The following NDFIP1 variants were observed in gnomAD, a reference collection of about 807,000 sequenced individuals.
NDFIP1 encodes the protein Nedd4 family interacting protein 1, also known as NEDD4 family-interacting protein 1.
NDFIP1 carries 7 observed loss-of-function variants against 28.8 expected under a neutral mutation model. That is an observed-to-expected ratio of 0.24 (90% CI 0.14 to 0.46). The LOEUF (loss-of-function observed/expected upper bound fraction) is 0.46. Ranked by LOEUF, NDFIP1 falls within the 20% of genes least tolerant of loss-of-function variation. The pLI is 0.99. For synonymous variants in NDFIP1, 92 were observed against 101.0 expected (o/e 0.91, Z 0.53); for missense variants, 194 against 269.1 (o/e 0.72, Z 1.95).
At chr5:142,111,886 G>C (rs977229457) in intron 1 of NDFIP1, among the ~76,000 whole-genome samples, 2 of 151,280 alleles carry the variant, frequency 1.3e-5, no homozygotes, top group Admixed American at 6.6e-5. Context: ...GGCCAACATG[G>C]CAAAACCTTG....
chr5:142,144,704 C>T (rs1044808470), intron 7 of NDFIP1, 28 bp downstream of exon 7: 12 of 1,351,876 alleles, frequency 8.9e-6, no homozygotes, highest in African/African-American at 1.5e-5. Context: ...TATTCTAGTC[C>T]CAGTGTAACC....
Position 142,131,842 on chromosome 5 carries a change from A to G in NDFIP1, c.98A>G (p.Gln33Arg). 1.3e-6 allele frequency: 2 copies of G among 1,597,984 alleles called. No individual in the cohort carries two copies. The highest frequency in any genetic ancestry group is 1.7e-4 in the Middle Eastern group (1 of 5,984). ...QNEEESGEPE[Q>R]AAGDAPPPYS... ...GAAGAAGAGTCTGGAGAACCTGAAC[A>G]GGCTGCAGGTGATGCTCCTCCACCT... The change falls in exon 2 of 8, where the codon CAG (glutamine) becomes CGG (arginine). Residue 33 changes from glutamine to arginine, a missense_variant. Transcript: ENST00000253814.
At chr5:142,126,436 A>G (rs1270381904) in intron 1 of NDFIP1, among the ~76,000 whole-genome samples, 2 of 152,230 alleles carry the variant, frequency 1.3e-5, no homozygotes, top group Non-Finnish European at 2.9e-5. Flanking sequence ...TGCTGTTTAA[A>G]TATGACCAAA....
chr5:142,139,249 C>G (rs1757304567), intron 5 of NDFIP1, among the ~76,000 whole-genome samples: 1 of 151,528 alleles, frequency 6.6e-6, no homozygotes, highest in East Asian at 1.9e-4. Flanking sequence ...AATGAATTAA[C>G]TTGTATCAGG....
rs372933565 is a variant in NDFIP1, at chr5:142,135,730, G to A, written c.283G>A (p.Asp95Asn). 45 of 1,612,376 alleles carry A rather than the reference G, an allele frequency of 2.8e-5. No homozygotes were observed. Among genetic ancestry groups the A allele is most frequent in the South Asian group, 2.4e-4 (22 of 90,964 alleles). The change falls in exon 4 of 8, where the codon GAT becomes AAT. Residue 95 changes from aspartate (D) to asparagine (N), a missense_variant and splice_region_variant. By Grantham distance (23) the Asp-to-Asn change is conservative. Transcript: ENST00000253814. Reference protein sequence around the residue: ...EATIPLVPGRDEDFVGRDDFD... With the variant: ...EATIPLVPGRNEDFVGRDDFD... ...AATAATTCTTTTTCTTTTCATTTAG[G>A]ATGAGGATTTTGTGGGTCGGGATGA...
intron 1 of NDFIP1, among the ~76,000 whole-genome samples, chr5:142,115,984 G>A (rs1757063292): frequency 6.6e-6 from 1 of 152,166 alleles, no homozygotes; most frequent in Non-Finnish European, 1.5e-5. Context: ...AAGTACATGA[G>A]GTAGGTTATG....
Position 142,108,816 on chromosome 5 carries a change from T to C in NDFIP1, c.-159T>C. 3 of 538,714 alleles carry C rather than the reference T, an allele frequency of 5.6e-6. No individual in the cohort carries two copies. Among genetic ancestry groups the C allele is most frequent in the Admixed American group, 8.9e-5 (2 of 22,360 alleles). 33.4% of individuals were successfully genotyped at this position (538,714 alleles called of 1,614,324 possible). On this transcript the variant is annotated 5_prime_UTR_variant, in exon 1 of 8. Coordinates refer to ENST00000253814, the MANE Select transcript of NDFIP1 (RefSeq NM_030571.4). ...GGAGCCTCGGCGGCGGCGGCGGTGC[T>C]TACAGCCTGAGAAGAGCGTCTCGCC...
intron 1 of NDFIP1, among the ~76,000 whole-genome samples, chr5:142,123,578 G>A (rs953335626): frequency 3.3e-5 from 5 of 152,130 alleles, no homozygotes; most frequent in Non-Finnish European, 1.5e-5. Context: ...CTATTTTAGA[G>A]CTTTAACATA....
chr5:142,148,994 T>C (rs1757419390), intron 7 of NDFIP1, among the ~76,000 whole-genome samples: 1 of 152,020 alleles, frequency 6.6e-6, no homozygotes, highest in South Asian at 2.1e-4. Flanking sequence ...CTAACACTAT[T>C]TGTGTGGTAC....
At chr5:142,130,402 A>C (rs947808079) in intron 1 of NDFIP1, among the ~76,000 whole-genome samples, 5 of 152,310 alleles carry the variant, frequency 3.3e-5, no homozygotes, top group African/African-American at 9.6e-5. Flanking sequence ...AATTAGGGAG[A>C]ATTTTATGTT....
intron 1 of NDFIP1, among the ~76,000 whole-genome samples, chr5:142,127,614 T>C (rs1757183749): frequency 6.6e-6 from 1 of 152,196 alleles, no homozygotes; most frequent in Non-Finnish European, 1.5e-5. Flanking sequence ...CTACTTTGTA[T>C]GGCCTGTGTA....
intron 6 of NDFIP1, 71 bp from the exon 7 acceptor site, chr5:142,144,500 G>A (rs2126922962): frequency 9.2e-7 from 1 of 1,084,190 alleles, no homozygotes; most frequent in Middle Eastern, 2.5e-4. Context: ...GCTATCAGGA[G>A]AGGGATTTCT....
In NDFIP1 at chr5:142,153,032, C is replaced by A. The variant is rs1757463854; in HGVS notation, c.*1304C>A. 1 of 337,478 alleles carries A rather than the reference C, an allele frequency of 3.0e-6. No individual in the cohort carries two copies. Among genetic ancestry groups the A allele is most frequent in the South Asian group, 2.4e-5 (1 of 41,638 alleles). 20.9% of individuals were successfully genotyped at this position (337,478 alleles called of 1,614,324 possible). ...GGAGTTGTAGAGATCTTAAATCATT[C>A]TGGAATTCCTAATTATGCTTCAATT... On this transcript the variant is annotated 3_prime_UTR_variant, in exon 8 of 8. Coordinates refer to ENST00000253814, the MANE Select transcript of NDFIP1 (RefSeq NM_030571.4).
rs372298264 is a variant in NDFIP1 at position 142,128,165 on chromosome 5, A to G, written c.64-3643A>G. Among the ~76,000 whole-genome samples, 6 of 152,058 alleles carry G rather than the reference A, an allele frequency of 3.9e-5. No homozygotes were observed. The East Asian group carries it at 9.7e-4, about 24-fold the overall frequency. ...TCTGTCTCTCTGAGTATCCCCTACA[A>G]CCCAGATTCTGTGACAGTTAAATTG... On this transcript the variant is annotated intron_variant, in intron 1 of 7. Coordinates refer to ENST00000253814, the MANE Select transcript of NDFIP1 (RefSeq NM_030571.4).
chr5:142,113,389 G>A (rs1336331024), intron 1 of NDFIP1, among the ~76,000 whole-genome samples: 2 of 152,124 alleles, frequency 1.3e-5, no homozygotes, highest in African/African-American at 4.8e-5. Context: ...TGGCTTTTTT[G>A]CTTATTTTTC....
At chr5:142,137,698 C>T (rs1332648862) in intron 4 of NDFIP1, 36 bp from the exon 5 acceptor site, 6 of 1,610,430 alleles carry the variant, frequency 3.7e-6, no homozygotes, top group Admixed American at 1.7e-5. Context: ...GGTAACAGGA[C>T]ATGTCTAACA....
At chr5:142,109,106 G>A (rs553845894) in intron 1 of NDFIP1, 69 bp downstream of exon 1, 268 of 1,228,074 alleles carry the variant, frequency 2.2e-4, no homozygotes, top group Non-Finnish European at 2.5e-4. Context: ...GCCGCCTCAG[G>A]CCTCTCTGGC....
At chr5:142,114,625 A>C (rs1163070647) in intron 1 of NDFIP1, among the ~76,000 whole-genome samples, 3 of 152,232 alleles carry the variant, frequency 2.0e-5, no homozygotes, top group Non-Finnish European at 2.9e-5. Flanking sequence ...ATATTGATAA[A>C]TATTTCTATG....
rs1044524 is a variant in NDFIP1 at position 142,154,298 on chromosome 5, A to G, written c.*2570A>G. On this transcript the variant is annotated 3_prime_UTR_variant, in exon 8 of 8. Transcript: ENST00000253814. ...TTCACCCATAACGACACAGTGCCCT[A>G]TGTTTCTTAACTTCTTGTTGCCATT... 13,383 of 152,112 alleles carry G rather than the reference A, an allele frequency of 0.088. 765 individuals are homozygous for G. Among genetic ancestry groups the G allele is most frequent in the African/African-American group, 0.16 (6,466 of 41,408 alleles). The allele number at this position is 152,112 out of a possible 1,614,324, so 9.4% of individuals were successfully genotyped here. A position where few individuals can be genotyped will look rare whatever the true frequency, so the allele number is the denominator to read the frequency against.
Sources: gnomAD v4.1 joint callset for allele counts (sites outside exome capture counted in the v4.1 genomes callset) on GRCh38, gnomAD v4.1.1 for gene constraint, MANE v1.5 for transcripts, NCBI Gene and HGNC (gene_info 2026-07-23, HGNC 2026-07-21) for gene names.